Variants in E4F1 observed in about 807,000 individuals in gnomAD.
The protein encoded by E4F1 is E4F transcription factor 1.
In E4F1, 30 loss-of-function variants were observed where a neutral mutation model predicts 72.9. The ratio of observed to expected loss-of-function variants is 0.41; its 90% CI spans 0.31 to 0.56. The LOEUF (loss-of-function observed/expected upper bound fraction) is 0.56. Among genes scored for constraint, E4F1 ranks in the 20% least tolerant of loss-of-function variants. The pLI, the probability that E4F1 is intolerant of heterozygous loss-of-function variation, is 0.25. For missense variants in E4F1, 1,091 were observed against 1,117.5 expected (o/e 0.98, Z 0.34); for synonymous variants, 542 against 478.2 (o/e 1.13, Z -1.74).
rs1422244994 is a variant in E4F1, at chr16:2,232,276, C to A, written c.521C>A (p.Ala174Glu). 6.2e-7 allele frequency: 1 copy of A among 1,612,024 alleles called. No individual in the cohort carries two copies. The highest frequency in any genetic ancestry group is 1.7e-5 in the Admixed American group (1 of 59,892). The change falls in exon 4 of 14, where the codon GCA becomes GAA. Residue 174 changes from alanine (A) to glutamate (E), a missense_variant. By Grantham distance (107) the Ala-to-Glu change is moderately radical. Around this residue, in one of 5 missense-constraint regions of E4F1, gnomAD observed 362 missense variants for 358.6 expected, o/e 1.01. Transcript: ENST00000301727. ...GSPRQQGLGL[A>E]GEGEQAQVKL... ...CCCCGCCAGCAGGGGCTGGGGCTCG[C>A]AGGGGAGGGTGAGCAGGCCCAGGTG...
chr16:2,231,269 C>T (rs910930740), intron 3 of E4F1: 8 of 152,496 alleles, frequency 5.2e-5, no homozygotes, highest in African/African-American at 1.7e-4. Flanking sequence ...CCTGCCGCTT[C>T]GCGGAAAAAG....
At chr16:2,233,760 C>A in intron 8 of E4F1, 113 bp downstream of exon 8, 2 of 1,419,618 alleles carry the variant, frequency 1.4e-6, no homozygotes, top group Non-Finnish European at 9.5e-7. Flanking sequence ...GTCCATTGAT[C>A]TGTTTACTGC....
chr16:2,235,156 G>A lies in E4F1; in HGVS notation c.1998+13G>A, dbSNP rs768236399. ...CACCCAGACAGAGGTGAGGGGTAGG[G>A]CAGGCGGGGGCGGGGAGGCTCCCTG... On this transcript the variant is annotated intron_variant, in intron 13 of 13. Coordinates refer to ENST00000301727, the MANE Select transcript of E4F1 (RefSeq NM_004424.5). 3.1e-6 allele frequency: 5 copies of A among 1,611,690 alleles called. No homozygotes were observed. The South Asian group carries it at 5.5e-5, about 18-fold the overall frequency.
chr16:2,225,560 G>A (rs1236925190), intron 1 of E4F1, among the ~76,000 whole-genome samples: 1 of 149,102 alleles, frequency 6.7e-6, no homozygotes, highest in Non-Finnish European at 1.5e-5. Context: ...CGCAACCTCC[G>A]CCTCCCGGGT....
chr16:2,229,965 C>T, intron 3 of E4F1: 1 of 383,750 alleles, frequency 2.6e-6, no homozygotes, highest in Non-Finnish European at 5.0e-6. Flanking sequence ...CGTGTCCCTC[C>T]CAGAATCTTC....
At chr16:2,230,535 G>A (rs2141455287) in intron 3 of E4F1, 1 of 153,406 alleles carries the variant, frequency 6.5e-6, no homozygotes, top group South Asian at 2.0e-4. Context: ...CCGGGGCTGA[G>A]GCAGGCGGGG....
intron 1 of E4F1, among the ~76,000 whole-genome samples, chr16:2,227,785 G>A (rs755635964): frequency 6.6e-6 from 1 of 151,354 alleles, no homozygotes; most frequent in Non-Finnish European, 1.5e-5. Flanking sequence ...ACAGGTGTGA[G>A]CCACCACACC....
At position 2,223,790 on chromosome 16, in the gene E4F1, G is replaced by T. The variant is rs750399846; in HGVS notation, c.157+20G>T. 6.5e-7 allele frequency: 1 copy of T among 1,535,142 alleles called. No individual in the cohort carries two copies. Among genetic ancestry groups the T allele is most frequent in the Admixed American group, 2.0e-5 (1 of 50,170 alleles). ...AGGAAGGTAACCGGGCCGACCCGGA[G>T]GGTGCGGCCGGGGTGCGGGCAGTTC... On this transcript the variant is annotated intron_variant, in intron 1 of 13. Coordinates refer to ENST00000301727, the MANE Select transcript of E4F1 (RefSeq NM_004424.5).
At chr16:2,223,951 C>T in intron 1 of E4F1, 181 bp downstream of exon 1, 1 of 1,524,788 alleles carries the variant, frequency 6.6e-7, no homozygotes, top group South Asian at 1.2e-5. Flanking sequence ...CCCTCACGGG[C>T]CTCTCCTGCG....
In E4F1 at chr16:2,233,044, C is replaced by A; in HGVS notation, c.917C>A (p.Ala306Asp). Residue 306 changes from alanine (A) to aspartate (D), a missense_variant, in exon 7 of 14, where the codon GCC becomes GAC. By Grantham distance (126) the Ala-to-Asp change is moderately radical. Transcript: ENST00000301727. ...SGAGAAGLGT[A>D]TSSVTGEPIE... is the part of the protein sequence containing the mutation. ...GCTGGAGCTGCCGGCTTGGGGACAGCCACATCATCGGTGACAGGCGAGCCT... is the reference window on the plus strand; with the variant it reads ...GCTGGAGCTGCCGGCTTGGGGACAGACACATCATCGGTGACAGGCGAGCCT... 1 of 1,609,752 alleles carries A rather than the reference C, an allele frequency of 6.2e-7. No homozygotes were observed. Among genetic ancestry groups the A allele is most frequent in the Non-Finnish European group, 8.5e-7 (1 of 1,177,296 alleles).
Position 2,235,439 on chromosome 16 carries a change from C to T in E4F1, c.2222C>T (p.Ala741Val), listed in dbSNP as rs565242919. 2 of 1,612,620 alleles carry T rather than the reference C, an allele frequency of 1.2e-6. No individual in the cohort carries two copies. The highest frequency in any genetic ancestry group is 1.1e-5 in the South Asian group (1 of 91,082). ...ISEGTVLAAR[A>V]GTSGTEQATV... ...GAGGGCACTGTGCTTGCCGCCCGGGCAGGGACAAGTGGCACTGAACAGGCC... is the reference window on the plus strand; with the variant it reads ...GAGGGCACTGTGCTTGCCGCCCGGGTAGGGACAAGTGGCACTGAACAGGCC... The change falls in exon 14 of 14, where the codon GCA (alanine) becomes GTA (valine). Residue 741 changes from alanine (A) to valine (V), a missense_variant. Around this residue, in one of 5 missense-constraint regions of E4F1, gnomAD observed 622 missense variants for 628.0 expected, o/e 0.99. Coordinates refer to ENST00000301727, the MANE Select transcript of E4F1 (RefSeq NM_004424.5).
chr16:2,233,790 G>C, intron 8 of E4F1, 92 bp from the exon 9 acceptor site: 1 of 1,423,826 alleles, frequency 7.0e-7, no homozygotes, highest in Non-Finnish European at 9.5e-7. Context: ...GGCCACAAGG[G>C]AGCCTGCCAG....
Position 2,235,672 on chromosome 16 carries a change from G to T in E4F1, c.*100G>T. ...CCTGGTAGAGAAGATGGCACAGGAT[G>T]GAGGCGCCCCAAGACGGACAGTGTA... On this transcript the variant is annotated 3_prime_UTR_variant, in exon 14 of 14. Transcript: ENST00000301727. 2 of 1,022,630 alleles carry T rather than the reference G, an allele frequency of 2.0e-6. No homozygotes were observed. The highest frequency in any genetic ancestry group is 2.8e-6 in the Non-Finnish European group (2 of 716,232). The allele number at this position is 1,022,630 out of a possible 1,614,324, so 63.3% of individuals were successfully genotyped here.
At position 2,223,718 on chromosome 16, in the gene E4F1, G is replaced by A. The variant is rs1283450337; in HGVS notation, c.105G>A (p.Ala35=). The change falls in exon 1 of 14, where the codon GCG becomes GCA. Residue 35 remains alanine (A), a synonymous_variant. Coordinates refer to ENST00000301727, the MANE Select transcript of E4F1 (RefSeq NM_004424.5). ...AGEGAVAAVA[A]ALAPSGFLGL... ...AGGGTGCAGTTGCGGCGGTGGCGGC[G>A]GCCTTGGCCCCCAGCGGCTTCCTCG... is the stretch of plus-strand genomic sequence containing the variant. 1 of 1,553,188 alleles carries A rather than the reference G, an allele frequency of 6.4e-7. No homozygotes were observed. Among genetic ancestry groups the A allele is most frequent in the Non-Finnish European group, 8.6e-7 (1 of 1,160,766 alleles).
At chr16:2,229,364 C>CGG (rs60013960) in intron 2 of E4F1, among the ~76,000 whole-genome samples, 1 of 152,076 alleles carries the variant, frequency 6.6e-6, no homozygotes, top group African/African-American at 2.4e-5. Context: ...GACCCTGGCC[C>CGG]GGGGGTGAAG....
chr16:2,231,832 C>G (rs973459147), intron 3 of E4F1: 2 of 294,164 alleles, frequency 6.8e-6, no homozygotes, highest in Non-Finnish European at 6.4e-6. Context: ...GCGGCTGTCT[C>G]TTCACCCAAG....
rs768276260 is a variant in E4F1, at chr16:2,234,153, T to G, written c.1376-18T>G. 3.7e-6 allele frequency: 6 copies of G among 1,609,938 alleles called. No individual in the cohort carries two copies. In the African/African-American group the frequency reaches 5.3e-5, roughly 14 times the overall value. On this transcript the variant is annotated intron_variant, in intron 9 of 13. Transcript: ENST00000301727. ...CCCGCGGGTGATGGGCTTGGCCTGA[T>G]GCTGTGTGTGGCTGCAGGGCCGAGG...
rs1312149336 is a variant in E4F1, at chr16:2,234,596, T to C, written c.1607T>C (p.Val536Ala). The C allele has an allele frequency of 1.3e-6, 2 of 1,595,686 alleles. No individual in the cohort carries two copies. Among genetic ancestry groups the C allele is most frequent in the South Asian group, 1.1e-5 (1 of 88,642 alleles). Residue 536 changes from valine (V) to alanine (A), a missense_variant, in exon 11 of 14, where the codon GTG (valine) becomes GCG (alanine). This residue lies in a region of E4F1 where 622 missense variants were observed against 628.0 expected (regional missense o/e 0.99). Transcript: ENST00000301727. ...KRYKTKNAQQ[V>A]HFRTHLEEKP... ...GTGTCTCCACAGAACGCACAGCAGG[T>C]GCACTTCAGGACACACCTGGAGGAG...
chr16:2,227,142 C>T (rs1336240708), intron 1 of E4F1, among the ~76,000 whole-genome samples: 1 of 151,884 alleles, frequency 6.6e-6, no homozygotes, highest in Non-Finnish European at 1.5e-5. Context: ...TGGGCTCAAT[C>T]AATCCTCCTG....
Sources: gnomAD v4.1 joint callset for allele counts (sites outside exome capture counted in the v4.1 genomes callset) on GRCh38, gnomAD v4.1.1 for gene constraint, gnomAD v4.1.1 regional missense constraint, MANE v1.5 for transcripts, NCBI Gene and HGNC (gene_info 2026-07-23, HGNC 2026-07-21) for gene names.